RAB3IP: variants seen among roughly 807,000 people sequenced by gnomAD.
RAB3IP encodes rab-3A-interacting protein.
In RAB3IP, 36 loss-of-function variants were observed where a neutral mutation model predicts 59.1. The ratio of observed to expected loss-of-function variants is 0.61; its 90% CI spans 0.47 to 0.80. RAB3IP has a LOEUF of 0.80. RAB3IP is among the 30% of genes least tolerant of loss of function. The pLI, the probability that RAB3IP is intolerant of heterozygous loss-of-function variation, is 0.00. For synonymous variants in RAB3IP, 207 were observed against 191.2 expected (o/e 1.08, Z -0.68); for missense variants, 511 against 536.0 (o/e 0.95, Z 0.46).
chr12:69,770,634 A>G (rs1489882839), intron 3 of RAB3IP, among the ~76,000 whole-genome samples: 1 of 152,054 alleles, frequency 6.6e-6, no homozygotes, highest in Non-Finnish European at 1.5e-5. Context: ...TACTGCAGTG[A>G]TTAGTTTTGT....
rs1870031227 is a variant in RAB3IP at position 69,755,383 on chromosome 12, G to T, written c.-25-1G>T. 6.2e-7 allele frequency: 1 copy of T among 1,610,510 alleles called. No homozygotes were observed. Among genetic ancestry groups the T allele is most frequent in the Non-Finnish European group, 8.5e-7 (1 of 1,178,118 alleles). ...AGTATCTGCTTTTTGTTTTAACATA[G>T]GTTATCTTATGATGAGGCTTTTGCT... is the stretch of plus-strand genomic sequence containing the variant. On this transcript the variant is annotated splice_acceptor_variant, in intron 1 of 10. Transcript: ENST00000247833. LOFTEE classifies it low-confidence loss of function (5UTR_SPLICE).
At chr12:69,806,626 A>AG (rs1879346020) in intron 8 of RAB3IP, among the ~76,000 whole-genome samples, 1 of 85,786 alleles carries the variant, frequency 1.2e-5, no homozygotes, top group South Asian at 4.1e-4. Flanking sequence ...TGTTTCTTGG[A>AG]GGGGGTATGT....
intron 4 of RAB3IP, among the ~76,000 whole-genome samples, chr12:69,794,201 T>C (rs1877087845): frequency 6.6e-6 from 1 of 152,198 alleles, no homozygotes; most frequent in African/African-American, 2.4e-5. Flanking sequence ...TCTATCCGGA[T>C]GATTGATCTC....
chr12:69,759,276 A>C (rs1374685438), intron 3 of RAB3IP, among the ~76,000 whole-genome samples: 4 of 149,266 alleles, frequency 2.7e-5, no homozygotes, highest in African/African-American at 9.9e-5. Flanking sequence ...GACACAGCAC[A>C]TGTTTCAGAG....
rs760758016 is a variant in RAB3IP, at chr12:69,800,330, A to C, written c.1010A>C (p.Lys337Thr). Residue 337 changes from lysine to threonine, a missense_variant, in exon 7 of 11, where the codon AAA becomes ACA. Physicochemically the swap from Lys to Thr is moderately conservative, Grantham distance 78. Coordinates refer to ENST00000247833, the MANE Select transcript of RAB3IP (RefSeq NM_022456.5). ...ATCTTTCCATGTTTAACATTCTCAA[A>C]AAGTGAGGTAATTTTTTTTCATTTT... ...EDIFPCLTFS[K>T]SELASAVLEA... 1 of 1,565,304 alleles carries C rather than the reference A, an allele frequency of 6.4e-7. No homozygotes were observed. Among genetic ancestry groups the C allele is most frequent in the Admixed American group, 1.9e-5 (1 of 52,150 alleles).
At chr12:69,806,783 T>C (rs1359505432) in intron 8 of RAB3IP, among the ~76,000 whole-genome samples, 1 of 152,060 alleles carries the variant, frequency 6.6e-6, no homozygotes, top group Non-Finnish European at 1.5e-5. Flanking sequence ...TGATGACTCT[T>C]AATGAGCATG....
At chr12:69,778,461 A>G (rs928066133) in intron 3 of RAB3IP, among the ~76,000 whole-genome samples, 1 of 144,632 alleles carries the variant, frequency 6.9e-6, no homozygotes, top group Admixed American at 7.0e-5. Context: ...CTGGTGAGGA[A>G]CTGCGTTCCT....
intron 4 of RAB3IP, among the ~76,000 whole-genome samples, chr12:69,787,903 A>G (rs759491563): frequency 6.6e-6 from 1 of 152,290 alleles, no homozygotes; most frequent in Non-Finnish European, 1.5e-5. Context: ...TTGCTAATGG[A>G]CATACTAATG....
chr12:69,815,562 G>T lies in RAB3IP; in HGVS notation c.*116G>T, dbSNP rs1881048397. 2.8e-6 allele frequency: 2 copies of T among 703,326 alleles called. No individual in the cohort carries two copies. The highest frequency in any genetic ancestry group is 4.9e-6 in the Non-Finnish European group (2 of 410,528). 43.6% of individuals were successfully genotyped at this position (703,326 alleles called of 1,614,324 possible). On this transcript the variant is annotated 3_prime_UTR_variant, in exon 11 of 11. Transcript: ENST00000247833. ...GAGCCTAAGACTTTTTTCCCCTTTT[G>T]CAAATTGCTCTAAGAAGTACCATGA...
chr12:69,754,435 A>G (rs1018664066), intron 1 of RAB3IP, among the ~76,000 whole-genome samples: 14 of 152,096 alleles, frequency 9.2e-5, no homozygotes, highest in African/African-American at 2.9e-4. Context: ...AAATGACTCA[A>G]AAATATTAAC....
At chr12:69,808,594 G>C (rs1280940399) in intron 8 of RAB3IP, among the ~76,000 whole-genome samples, 1 of 152,118 alleles carries the variant, frequency 6.6e-6, no homozygotes, top group Non-Finnish European at 1.5e-5. Context: ...CTCCTGTATT[G>C]GGTGCATATA....
At chr12:69,750,726 CTTT>C (rs113789962) in intron 1 of RAB3IP, among the ~76,000 whole-genome samples, 2 of 140,854 alleles carry the variant, frequency 1.4e-5, no homozygotes, top group African/African-American at 2.6e-5. Context: ...TGGGGTCTTT[CTTT>C]TTTTTTTTTT....
Position 69,815,439 on chromosome 12 carries a change from A to T in RAB3IP, c.1376A>T (p.Glu459Val). 6.2e-7 allele frequency: 1 copy of T among 1,609,516 alleles called. No individual in the cohort carries two copies. The highest frequency in any genetic ancestry group is 8.5e-7 in the Non-Finnish European group (1 of 1,175,874). Residue 459 changes from glutamate to valine, a missense_variant, in exon 11 of 11, where the codon GAA (glutamate) becomes GTA (valine). Physicochemically the swap from Glu to Val is moderately radical, Grantham distance 121 (BLOSUM62 -2). Coordinates refer to ENST00000247833, the MANE Select transcript of RAB3IP (RefSeq NM_022456.5). ...GCAAAGCTGGGTTATTTCAAAGAGG[A>T]ACTCTGATGCTCTGCGTGGGACCAT... Reference protein sequence around the residue: ...SLAKLGYFKEEL With the variant: ...SLAKLGYFKEVL
chr12:69,738,705 C>G (rs71454241), upstream of RAB3IP: 32,352 of 152,172 alleles, frequency 0.21, 4,193 homozygotes, highest in Middle Eastern at 0.35. Context: ...ACACCTGCGA[C>G]GAGCCCCGCC....
intron 8 of RAB3IP, among the ~76,000 whole-genome samples, chr12:69,809,247 T>C (rs1417714646): frequency 2.0e-5 from 3 of 152,184 alleles, no homozygotes; most frequent in African/African-American, 7.2e-5. Context: ...TTCTGGCTTC[T>C]AGAGTTTCTG....
chr12:69,802,301 G>A (rs910526981), intron 8 of RAB3IP, among the ~76,000 whole-genome samples: 2 of 152,032 alleles, frequency 1.3e-5, no homozygotes, highest in Admixed American at 6.5e-5. Context: ...GACTTGATGA[G>A]ATCTCTCTTT....
chr12:69,768,973 G>A (rs1040941827), intron 3 of RAB3IP, among the ~76,000 whole-genome samples: 2 of 152,046 alleles, frequency 1.3e-5, no homozygotes, highest in Non-Finnish European at 2.9e-5. Flanking sequence ...GGGACCCTGT[G>A]GGAGGTAATT....
intron 4 of RAB3IP, among the ~76,000 whole-genome samples, chr12:69,793,075 A>G (rs1876890363): frequency 6.6e-6 from 1 of 151,174 alleles, no homozygotes; most frequent in African/African-American, 2.5e-5. Context: ...GTTGACAGCC[A>G]CTTGTCCCAG....
At chr12:69,779,662 C>A (rs903883787) in intron 3 of RAB3IP, among the ~76,000 whole-genome samples, 1 of 147,294 alleles carries the variant, frequency 6.8e-6, no homozygotes, top group Non-Finnish European at 1.5e-5. Flanking sequence ...TCACTGCTTT[C>A]ACTGCACATT....
Sources: gnomAD v4.1 joint callset for allele counts (sites outside exome capture counted in the v4.1 genomes callset) on GRCh38, gnomAD v4.1.1 for gene constraint, MANE v1.5 for transcripts, NCBI Gene and HGNC (gene_info 2026-07-23, HGNC 2026-07-21) for gene names.